Variants in WWTR1 observed in about 807,000 individuals in gnomAD.
WWTR1 encodes the protein WW domain-containing transcription regulator protein 1.
Under a neutral mutation model 40.1 loss-of-function variants are expected in WWTR1, and 13 were observed. The observed-to-expected ratio is 0.32, with a 90% confidence interval of 0.21 to 0.52. The LOEUF (loss-of-function observed/expected upper bound fraction) is 0.52, where lower values mean the gene tolerates loss of function less well. WWTR1 is among the 20% of genes least tolerant of loss of function. WWTR1 has a pLI of 0.97. For missense variants in WWTR1, 436 were observed against 523.1 expected (o/e 0.83, Z 1.63); for synonymous variants, 230 against 210.1 (o/e 1.09, Z -0.82).
At chr3:149,716,629 A>C (rs1275802575) in intron 5 of WWTR1, among the ~76,000 whole-genome samples, 1 of 152,146 alleles carries the variant, frequency 6.6e-6, no homozygotes, top group African/African-American at 2.4e-5. Flanking sequence ...AGAATCATTT[A>C]CTTATTGATT....
intron 2 of WWTR1, among the ~76,000 whole-genome samples, chr3:149,645,237 G>A (rs1003829995): frequency 2.0e-5 from 3 of 152,074 alleles, no homozygotes; most frequent in Non-Finnish European, 4.4e-5. Context: ...CCGCCACCAC[G>A]CCTGGCTAAT....
intron 1 of WWTR1, among the ~76,000 whole-genome samples, chr3:149,692,037 A>C (rs1714843137): frequency 6.6e-6 from 1 of 152,200 alleles, no homozygotes; most frequent in East Asian, 1.9e-4. Flanking sequence ...TCATTTAAAA[A>C]GAAAAGCTAA....
chr3:149,549,997 T>C (rs1736543203), intron 3 of WWTR1, among the ~76,000 whole-genome samples: 2 of 152,196 alleles, frequency 1.3e-5, no homozygotes, highest in South Asian at 4.1e-4. Context: ...ATAACAAATG[T>C]AGCATATTAA....
chr3:149,678,433 A>T lies in WWTR1; in HGVS notation c.-107-8542T>A, dbSNP rs1024040340. 3.3e-5 allele frequency among the ~76,000 whole-genome samples: 5 copies of T among 152,284 alleles called. No homozygotes were observed. The East Asian group carries it at 9.7e-4, about 29-fold the overall frequency. ...TGCAGGCCCTTTTTCCATAATGGCC[A>T]GTAGTACATTCTGCTTAATTGTCAT... On this transcript the variant is annotated intron_variant, in intron 1 of 7. Coordinates refer to the WWTR1 transcript ENST00000465804.
intron 4 of WWTR1, among the ~76,000 whole-genome samples, chr3:149,540,767 A>G (rs955782794): frequency 6.6e-6 from 1 of 152,116 alleles, no homozygotes; most frequent in South Asian, 2.1e-4. Flanking sequence ...TTACCTAATT[A>G]TTAAGTTGTA....
chr3:149,525,136 ACT>A (rs1257918123), intron 6 of WWTR1, among the ~76,000 whole-genome samples: 1 of 151,884 alleles, frequency 6.6e-6, no homozygotes, highest in African/African-American at 2.4e-5. Context: ...AGTAACCCTG[ACT>A]CTCTTCTCTT....
At chr3:149,564,056 A>G (rs1342235699) in intron 3 of WWTR1, among the ~76,000 whole-genome samples, 1 of 152,138 alleles carries the variant, frequency 6.6e-6, no homozygotes, top group East Asian at 1.9e-4. Context: ...ACTTGGCCTT[A>G]ACATACACAA....
chr3:149,542,460 C>T lies in WWTR1; in HGVS notation c.646G>A (p.Ala216Thr), dbSNP rs753225952. 5.9e-5 allele frequency: 95 copies of T among 1,613,868 alleles called. No individual in the cohort carries two copies. Among genetic ancestry groups the T allele is most frequent in the Non-Finnish European group, 7.7e-5 (91 of 1,179,942 alleles). Residue 216 changes from alanine (A) to threonine (T), a missense_variant, in exon 4 of 7, where the codon GCA becomes ACA. By Grantham distance (58) the Ala-to-Thr change is moderately conservative. Transcript: ENST00000360632. The stretch of plus-strand genomic sequence containing the variant: ...GCATTGGGCATACTCATGAGCCCTG[C>T]GGGTGGGTTCTGAGTGGGGTGGTTC... ...QQNHPTQNPP[A>T]GLMSMPNALT...
At chr3:149,572,826 A>G (rs1415513674) in intron 3 of WWTR1, 38 bp downstream of exon 3, 1 of 1,608,080 alleles carries the variant, frequency 6.2e-7, no homozygotes, top group Non-Finnish European at 8.5e-7. Context: ...TACAAAAAAA[A>G]AATATCTTTT....
intron 3 of WWTR1, among the ~76,000 whole-genome samples, chr3:149,563,987 C>T (rs985592362): frequency 1.3e-5 from 2 of 152,176 alleles, no homozygotes; most frequent in Non-Finnish European, 2.9e-5. Context: ...CTCCTGACCT[C>T]AGGTGATCTG....
At chr3:149,670,293 C>T (rs1467195972) in intron 1 of WWTR1, among the ~76,000 whole-genome samples, 1 of 152,204 alleles carries the variant, frequency 6.6e-6, no homozygotes, top group African/African-American at 2.4e-5. Flanking sequence ...GCTGACTTCT[C>T]CATTTTTCAG....
upstream of WWTR1, chr3:149,661,403 GA>G (rs1713568182): frequency 6.7e-6 from 1 of 149,284 alleles, no homozygotes; most frequent in Non-Finnish European, 1.5e-5. Flanking sequence ...TGCATTCTAA[GA>G]ATAAAAAGTT....
intron 5 of WWTR1, among the ~76,000 whole-genome samples, chr3:149,527,630 C>T (rs532114075): frequency 6.6e-6 from 1 of 152,266 alleles, no homozygotes; most frequent in South Asian, 2.1e-4. Context: ...CGTCCTATCA[C>T]CAATTTTTTA....
chr3:149,527,401 C>T (rs1193749374), intron 5 of WWTR1, among the ~76,000 whole-genome samples: 1 of 152,096 alleles, frequency 6.6e-6, no homozygotes, highest in Non-Finnish European at 1.5e-5. Context: ...CCCACCTCGG[C>T]CTCCCAAAGT....
rs368811320 is a variant in WWTR1 at position 149,655,812 on chromosome 3, G to T, written c.431+1064C>A. 1.1e-4 allele frequency among the ~76,000 whole-genome samples: 16 copies of T among 152,338 alleles called. No homozygotes were observed. In the East Asian group the frequency reaches 2.1e-3, roughly 20 times the overall value. On this transcript the variant is annotated intron_variant, in intron 2 of 6. Coordinates refer to ENST00000360632, the MANE Select transcript of WWTR1 (RefSeq NM_015472.6). ...CAGAGCATCAAATATTAGTGCCAAA[G>T]AAAGGCTTGATTAAACTTTTAAAAT...
chr3:149,714,429 G>A (rs559260820), intron 5 of WWTR1, among the ~76,000 whole-genome samples: 11 of 152,314 alleles, frequency 7.2e-5, no homozygotes, highest in Admixed American at 6.5e-4. Flanking sequence ...CGCTCCCAGC[G>A]CCCCCTCGGA....
At chr3:149,665,553 A>G (rs1471658105) in intron 2 of WWTR1, among the ~76,000 whole-genome samples, 1 of 152,180 alleles carries the variant, frequency 6.6e-6, no homozygotes, top group Non-Finnish European at 1.5e-5. Flanking sequence ...TTAAGAAGAG[A>G]ATGGTTAAGT....
At chr3:149,639,992 T>TGAAAAAAA (rs1452159925) in intron 2 of WWTR1, among the ~76,000 whole-genome samples, 1 of 25,260 alleles carries the variant, frequency 4.0e-5, no homozygotes, top group Non-Finnish European at 8.1e-5. Context: ...AGACTCCGTC[T>TGAAAAAAA]CAAAAAAAAA....
At chr3:149,532,381 T>G (rs1663337550) in intron 4 of WWTR1, among the ~76,000 whole-genome samples, 1 of 152,204 alleles carries the variant, frequency 6.6e-6, no homozygotes, top group African/African-American at 2.4e-5. Context: ...TTGGAGGGAT[T>G]AAACCAAAGT....
Sources: gnomAD v4.1 joint callset for allele counts (sites outside exome capture counted in the v4.1 genomes callset) on GRCh38, gnomAD v4.1.1 for gene constraint, MANE v1.5 for transcripts, NCBI Gene and HGNC (gene_info 2026-07-23, HGNC 2026-07-21) for gene names.